DMD: variants seen among roughly 807,000 people sequenced by gnomAD.
The protein encoded by DMD is mutant dystrophin.
Under a neutral mutation model 330.1 loss-of-function variants are expected in DMD, and 63 were observed. The ratio of observed to expected loss-of-function variants is 0.19; its 90% CI spans 0.16 to 0.24. The LOEUF (loss-of-function observed/expected upper bound fraction) is 0.24. Ranked by LOEUF, DMD falls within the 10% of genes least tolerant of loss-of-function variation. DMD has a pLI of 1.00. For synonymous variants in DMD, 1,223 were observed against 959.8 expected (o/e 1.27, Z -5.07); for missense variants, 3,344 against 2,684.1 (o/e 1.25, Z -5.43).
chrX:32,738,405 T>C (rs1348029029), intron 7 of DMD, among the ~76,000 whole-genome samples: 2 of 111,821 alleles, frequency 1.8e-5, no homozygotes, highest in South Asian at 3.7e-4. Context: ...ATCTGTATAA[T>C]ATGGGTAAAT....
chrX:31,695,200 T>C (rs2083378605), intron 52 of DMD, among the ~76,000 whole-genome samples: 1 of 111,181 alleles, frequency 9.0e-6, no homozygotes, highest in Non-Finnish European at 1.9e-5. Context: ...TTCTCACTTA[T>C]TTGTGGGATC....
chrX:31,374,800 TA>T (rs2059799289), intron 60 of DMD, among the ~76,000 whole-genome samples: 1 of 109,724 alleles, frequency 9.1e-6, no homozygotes, highest in African/African-American at 3.3e-5. Flanking sequence ...TGTGCACATG[TA>T]CCCTAAAACT....
intron 4 of DMD, among the ~76,000 whole-genome samples, chrX:32,835,435 C>T (rs1255935493): frequency 8.9e-6 from 1 of 112,754 alleles, no homozygotes; most frequent in Non-Finnish European, 1.9e-5. Context: ...TTTTTAAAAT[C>T]ACAACCAACT....
At chrX:32,587,235 GT>G in intron 13 of DMD, among the ~76,000 whole-genome samples, 1 of 111,651 alleles carries the variant, frequency 9.0e-6, no homozygotes, top group Non-Finnish European at 1.9e-5. Flanking sequence ...TTCTTTCCAA[GT>G]GGCTTTGTTA....
Position 32,859,506 on chromosome X carries a change from CACACAA to C in DMD, c.94-9692_94-9687del, listed in dbSNP as rs1485063856. Among the ~76,000 whole-genome samples the C allele has an allele frequency of 5.8e-5, 5 of 85,866 alleles. No individual in the cohort carries two copies. In the East Asian group the frequency reaches 1.8e-3, roughly 31 times the overall value. 74.6% of individuals were successfully genotyped at this position (85,866 alleles called of 115,157 possible). On this transcript the variant is annotated intron_variant, in intron 2 of 78. Transcript: ENST00000357033. ...ACACACACACACACACACACACACA[CACACAA>C]GTTAAAGTCTTTTCGATAATATAAA...
At chrX:32,056,852 T>C (rs921111818) in intron 44 of DMD, among the ~76,000 whole-genome samples, 1 of 111,074 alleles carries the variant, frequency 9.0e-6, no homozygotes, top group Non-Finnish European at 1.9e-5. Context: ...CTGATAAATA[T>C]AGAAGCAAAA....
chrX:31,920,305 C>A (rs912508358), intron 47 of DMD, among the ~76,000 whole-genome samples: 2 of 111,904 alleles, frequency 1.8e-5, no homozygotes, highest in Admixed American at 9.5e-5. Flanking sequence ...GGCATATTGG[C>A]TTTGCAGGTG....
At chrX:31,414,771 G>T (rs186575842) in intron 60 of DMD, among the ~76,000 whole-genome samples, 304 of 112,065 alleles carry the variant, frequency 2.7e-3, no homozygotes, top group African/African-American at 8.9e-3. Context: ...ATTTTAATGG[G>T]ATTTCTACAA....
chrX:31,999,402 G>A (rs778900321), intron 44 of DMD, among the ~76,000 whole-genome samples: 1 of 111,658 alleles, frequency 9.0e-6, no homozygotes, highest in African/African-American at 3.2e-5. Flanking sequence ...TAAAATTAAA[G>A]CAAAATAATA....
intron 9 of DMD, among the ~76,000 whole-genome samples, chrX:32,660,345 A>G (rs2060868234): frequency 9.0e-6 from 1 of 111,336 alleles, no homozygotes; most frequent in Admixed American, 9.6e-5. Context: ...AGATATGTGT[A>G]TATTACCAAC....
At chrX:31,896,943 T>G (rs182691826) in intron 47 of DMD, among the ~76,000 whole-genome samples, 1,316 of 110,976 alleles carry the variant, frequency 0.012, 26 homozygotes, top group African/African-American at 0.041. Context: ...TTATTGTACT[T>G]TAAGTTTTAG....
At chrX:31,476,995 G>A (rs942850899) in intron 59 of DMD, among the ~76,000 whole-genome samples, 7 of 111,375 alleles carry the variant, frequency 6.3e-5, no homozygotes, top group Non-Finnish European at 1.3e-4. Flanking sequence ...TTCATTAACT[G>A]AAATAGGAAA....
chrX:32,944,260 A>G (rs1329408131), intron 2 of DMD, among the ~76,000 whole-genome samples: 2 of 112,564 alleles, frequency 1.8e-5, no homozygotes, highest in Non-Finnish European at 3.7e-5. Flanking sequence ...TTTAATGTAC[A>G]GATTTTAAAA....
chrX:32,376,960 C>G (rs1178934962), intron 34 of DMD, among the ~76,000 whole-genome samples: 1 of 111,184 alleles, frequency 9.0e-6, no homozygotes, highest in African/African-American at 3.3e-5. Context: ...TATAACACGG[C>G]TAGTTAAAAA....
At chrX:33,237,736 G>C (rs771027442) in intron 1 of DMD, among the ~76,000 whole-genome samples, 1 of 111,720 alleles carries the variant, frequency 9.0e-6, no homozygotes, top group East Asian at 2.8e-4. Flanking sequence ...ATTTTTTCAC[G>C]ATATACATCA....
intron 60 of DMD, among the ~76,000 whole-genome samples, chrX:31,439,467 T>C (rs1033945960): frequency 9.2e-6 from 1 of 108,565 alleles, no homozygotes; most frequent in African/African-American, 3.3e-5. Context: ...TGGAGTGTAA[T>C]GATGTCTACA....
intron 7 of DMD, among the ~76,000 whole-genome samples, chrX:32,793,730 C>A (rs1167112334): frequency 1.8e-5 from 2 of 111,616 alleles, no homozygotes; most frequent in African/African-American, 6.5e-5. Flanking sequence ...CTGAACAGAT[C>A]TATAATTAGT....
At chrX:31,507,602 A>G in intron 55 of DMD, 149 bp from the exon 56 acceptor site, 2 of 570,045 alleles carry the variant, frequency 3.5e-6, no homozygotes, top group Non-Finnish European at 5.5e-6. Context: ...GATACATCTC[A>G]AATCCCTTTT....
intron 1 of DMD, among the ~76,000 whole-genome samples, chrX:33,184,475 T>TACAGAA (rs1175238772): frequency 9.0e-6 from 1 of 111,380 alleles, no homozygotes; most frequent in African/African-American, 3.3e-5. Flanking sequence ...ACCTTAATTT[T>TACAGAA]ACAGAACTGT....
Sources: allele counts gnomAD v4.1 joint callset (sites outside exome capture counted in the v4.1 genomes callset), GRCh38; gene constraint gnomAD v4.1.1; transcripts MANE v1.5; gene names NCBI Gene and HGNC (gene_info 2026-07-23, HGNC 2026-07-21).